BAZ2A: variants seen among roughly 807,000 people sequenced by gnomAD.
The protein encoded by BAZ2A is bromodomain adjacent to zinc finger domain 2A, also known as bromodomain adjacent to zinc finger domain protein 2A.
BAZ2A carries 34 observed loss-of-function variants against 199.9 expected under a neutral mutation model. The observed-to-expected ratio is 0.17, with a 90% CI of 0.13 to 0.23. BAZ2A has a LOEUF of 0.23. Among genes scored for constraint, BAZ2A ranks in the 10% least tolerant of loss-of-function variants. BAZ2A has a pLI of 1.00. For synonymous variants in BAZ2A, 857 were observed against 883.9 expected, an observed-to-expected ratio of 0.97 and a Z score of 0.54; for missense variants, 2,002 against 2,391.1, an observed-to-expected ratio of 0.84 and a Z score of 3.39.
intron 1 of BAZ2A, among the ~76,000 whole-genome samples, chr12:56,629,042 C>T (rs1951203572): frequency 6.6e-6 from 1 of 151,842 alleles, no homozygotes; most frequent in South Asian, 2.1e-4. Context: ...AAAAAAAAGT[C>T]CAACGAAAGG....
chr12:56,621,061 C>A (rs898139574), intron 1 of BAZ2A: 1 of 985,320 alleles, frequency 1.0e-6, no homozygotes, highest in African/African-American at 1.7e-5. Context: ...AATACTATGC[C>A]TAGAGGGCCA....
Position 56,602,931 on chromosome 12 carries a change from A to G in BAZ2A, c.3280-74T>C, listed in dbSNP as rs941210. Reference sequence around the variant, plus strand: ...CAGTGGTGAATTCATCCAGTATATCAGAGAAAGGCAATGGCTCTCAGTCCC... The same window carrying G: ...CAGTGGTGAATTCATCCAGTATATCGGAGAAAGGCAATGGCTCTCAGTCCC... On this transcript the variant is annotated intron_variant, in intron 18 of 28. Transcript: ENST00000549884. 0.035 allele frequency: 51,166 copies of G among 1,472,522 alleles called. 5,251 individuals are homozygous for G. In the African/African-American group the frequency reaches 0.36, roughly 10 times the overall value. The allele number at this position is 1,472,522 out of a possible 1,614,324, so 91.2% of individuals were successfully genotyped here.
intron 14 of BAZ2A, 122 bp from the exon 15 acceptor site, chr12:56,604,921 G>C: frequency 7.4e-7 from 1 of 1,353,036 alleles, no homozygotes; most frequent in Non-Finnish European, 9.9e-7. Context: ...TACGAAAGAA[G>C]ACCACAAAAG....
intron 11 of BAZ2A, 57 bp from the exon 12 acceptor site, chr12:56,606,369 G>C (rs1950354021): frequency 1.3e-6 from 2 of 1,599,244 alleles, no homozygotes; most frequent in South Asian, 2.2e-5. Context: ...CTCTGCTTGG[G>C]CTAGGATTCA....
In BAZ2A at chr12:56,599,330, G is replaced by A; in HGVS notation, c.5201C>T (p.Pro1734Leu). The A allele has an allele frequency of 6.2e-7, 1 of 1,613,444 alleles. No homozygotes were observed. ...QQVEGEFTQK[P>L]GFPKRGQKRK... The stretch of plus-strand genomic sequence containing the variant: ...CTTCTGGCCACGCTTTGGGAAACCA[G>A]GCTTCTGAGTGAATTCTCCCTCCAC... Residue 1734 changes from proline (P) to leucine (L), a missense_variant, in exon 27 of 29, where the codon CCT (proline) becomes CTT (leucine). Physicochemically the swap from Pro to Leu is moderately conservative, Grantham distance 98. This residue lies in a region of BAZ2A where 122 missense variants were observed against 123.0 expected (regional missense o/e 0.99). Transcript: ENST00000549884.
At position 56,600,223 on chromosome 12, in the gene BAZ2A, G is replaced by A. The variant is rs1261114867; in HGVS notation, c.4870C>T (p.Pro1624Ser). The change falls in exon 24 of 29, where the codon CCT (proline) becomes TCT (serine). Residue 1624 changes from proline (P) to serine (S), a missense_variant. Pro to Ser is a moderately conservative substitution (Grantham distance 74). Transcript: ENST00000549884. The part of the protein sequence containing the change: ...KALLSTPNGA[P>S]EGTTTEISYE... ...CACATCTCTGTAGTGGTGCCCTCAG[G>A]GGCACCATTAGGTGTGCTAAGCAGG... 5.6e-6 allele frequency: 9 copies of A among 1,613,844 alleles called. No individual in the cohort carries two copies. The Admixed American group carries it at 1.2e-4, about 21-fold the overall frequency.
chr12:56,631,963 TCA>T (rs1221933515), upstream of BAZ2A, among the ~76,000 whole-genome samples: 3 of 152,068 alleles, frequency 2.0e-5, no homozygotes, highest in South Asian at 2.1e-4. Flanking sequence ...TAGCAAAGGC[TCA>T]CAGAGTGTGT....
upstream of BAZ2A, among the ~76,000 whole-genome samples, chr12:56,634,594 A>G (rs1592638657): frequency 6.6e-6 from 1 of 152,094 alleles, no homozygotes; most frequent in African/African-American, 2.4e-5. Flanking sequence ...CCCCCCTCCC[A>G]TTGGGGTTAG....
At chr12:56,605,773 T>A in intron 13 of BAZ2A, 57 bp downstream of exon 13, 1 of 1,499,900 alleles carries the variant, frequency 6.7e-7, no homozygotes, top group Non-Finnish European at 8.9e-7. Context: ...TCCTTTTTTT[T>A]TTTTTAAAGG....
At chr12:56,611,697 G>T in intron 6 of BAZ2A, 64 bp from the exon 7 acceptor site, 1 of 1,544,676 alleles carries the variant, frequency 6.5e-7, no homozygotes, top group Non-Finnish European at 8.7e-7. Flanking sequence ...AGGCCAATAG[G>T]GAAAGGCTAA....
Position 56,630,196 on chromosome 12 carries a change from C to T in BAZ2A, c.-74G>A, listed in dbSNP as rs1592631575. ...GGTACAAGCGGTTCACATGGCCGCGCTCCGGGCGCCAGAACGGGTGGAGAC... is the reference window on the plus strand; with the variant it reads ...GGTACAAGCGGTTCACATGGCCGCGTTCCGGGCGCCAGAACGGGTGGAGAC... On this transcript the variant is annotated 5_prime_UTR_variant, in exon 1 of 29. Coordinates refer to ENST00000549884, the MANE Select transcript of BAZ2A (RefSeq NM_001300905.2). 1 of 985,490 alleles carries T rather than the reference C, an allele frequency of 1.0e-6. No homozygotes were observed. The highest frequency in any genetic ancestry group is 1.1e-4 in the East Asian group (1 of 8,826). The allele number at this position is 985,490 out of a possible 1,614,324, so 61.0% of individuals were successfully genotyped here.
intron 25 of BAZ2A, 24 bp downstream of exon 25, chr12:56,599,940 C>G: frequency 6.2e-7 from 1 of 1,613,714 alleles, no homozygotes; most frequent in Non-Finnish European, 8.5e-7. Flanking sequence ...CCCTCAGCCT[C>G]TCCAGGCTCT....
rs747655450 is a variant in BAZ2A at position 56,615,503 on chromosome 12, G to A, written c.241C>T (p.His81Tyr). The change falls in exon 3 of 29, where the codon CAT becomes TAT. Residue 81 changes from histidine (H) to tyrosine (Y), a missense_variant. Physicochemically the swap from His to Tyr is moderately conservative, Grantham distance 83. Around this residue, in one of 6 missense-constraint regions of BAZ2A, gnomAD observed 641 missense variants for 694.5 expected, o/e 0.92. Coordinates refer to ENST00000549884, the MANE Select transcript of BAZ2A (RefSeq NM_001300905.2). ...CAGTCGTAGGCCACGCTGGGGTGAT[G>A]GAGGTGTGAGGTGCTGGAGGAGTGG... ...APHSSSTSHL[H>Y]HPSVAYDCLW... 1.2e-6 allele frequency: 2 copies of A among 1,613,544 alleles called. No homozygotes were observed. The highest frequency in any genetic ancestry group is 1.6e-4 in the Middle Eastern group (1 of 6,062).
rs1269531525 is a variant in BAZ2A, at chr12:56,615,346, G to A, written c.398C>T (p.Ser133Phe). 4 of 1,613,696 alleles carry A rather than the reference G, an allele frequency of 2.5e-6. No homozygotes were observed. In the African/African-American group the frequency reaches 4.0e-5, roughly 16 times the overall value. The change falls in exon 3 of 29, where the codon TCC (serine) becomes TTC (phenylalanine). Residue 133 changes from serine (S) to phenylalanine (F), a missense_variant. By Grantham distance (155) the Ser-to-Phe change is radical. Transcript: ENST00000549884. The stretch of plus-strand genomic sequence containing the variant: ...CCGAAGGTTAGTGTTATGACTTGGG[G>A]ATGAAGGTTGCCGGCTGCCCCCAAG... ...GILGGSRQPS[S>F]PSHNTNLRAG...
At chr12:56,617,765 C>G (rs1565828958) in intron 1 of BAZ2A, among the ~76,000 whole-genome samples, 1 of 152,116 alleles carries the variant, frequency 6.6e-6, no homozygotes, top group Admixed American at 6.5e-5. Flanking sequence ...GATTAAAAAA[C>G]AAAGCAAGTT....
upstream of BAZ2A, among the ~76,000 whole-genome samples, chr12:56,633,400 A>C (rs1347500568): frequency 6.6e-6 from 1 of 152,160 alleles, no homozygotes. Context: ...TCTGAAGCAG[A>C]TCTTGGCAGC....
At chr12:56,634,855 AATCCCGGGGCAGCAGGG>A (rs1331727298), upstream of BAZ2A, 7 of 953,826 alleles carry the variant, frequency 7.3e-6, no homozygotes, top group Non-Finnish European at 8.7e-6. Context: ...TCAGATCCCG[AATCCCGGGGCAGCAGGG>A]ATCCCGGGGC....
intron 1 of BAZ2A, among the ~76,000 whole-genome samples, chr12:56,621,971 T>C (rs918195170): frequency 8.0e-5 from 12 of 150,590 alleles, no homozygotes; most frequent in Admixed American, 6.6e-4. Context: ...ATTACAGGCG[T>C]GAGCCACCTT....
upstream of BAZ2A, among the ~76,000 whole-genome samples, chr12:56,633,016 G>A (rs1951356278): frequency 6.6e-6 from 1 of 152,156 alleles, no homozygotes; most frequent in Non-Finnish European, 1.5e-5. Context: ...AAAGGGGAAG[G>A]GGCAAATGGT....
Sources: allele counts gnomAD v4.1 joint callset (sites outside exome capture counted in the v4.1 genomes callset), GRCh38; gene constraint gnomAD v4.1.1; regional missense constraint gnomAD v4.1.1; transcripts MANE v1.5; gene names NCBI Gene and HGNC (gene_info 2026-07-23, HGNC 2026-07-21).